The following TSHR variants were observed in gnomAD, a reference collection of about 807,000 sequenced individuals.
TSHR encodes the protein thyrotropin receptor.
Under a neutral mutation model 64.1 loss-of-function variants are expected in TSHR, and 51 were observed. That is an observed-to-expected ratio of 0.80 (90% CI 0.64 to 1.01). The LOEUF is 1.01. TSHR is among the 50% of genes least tolerant of loss of function. The pLI, the probability that TSHR is intolerant of heterozygous loss-of-function variation, is 0.00. For missense variants in TSHR, 877 were observed against 942.8 expected, an observed-to-expected ratio of 0.93 and a Z score of 0.91; for synonymous variants, 361 against 361.9, an observed-to-expected ratio of 1.00 and a Z score of 0.03.
chr14:81,068,500 T>C (rs1886825779), intron 3 of TSHR, 172 bp downstream of exon 3: 1 of 635,420 alleles, frequency 1.6e-6, no homozygotes, highest in Admixed American at 2.4e-5. Flanking sequence ...TTCATCTTCA[T>C]TACACCTCAA....
chr14:81,073,198 C>T (rs1009611187), intron 3 of TSHR, among the ~76,000 whole-genome samples: 1 of 150,366 alleles, frequency 6.7e-6, no homozygotes, highest in Non-Finnish European at 1.5e-5. Context: ...AAGAGCATAG[C>T]TTCAAACCAT....
In TSHR at chr14:81,003,857, C is replaced by T. The variant is rs569949114; in HGVS notation, c.170+48007C>T. Among the ~76,000 whole-genome samples the T allele has an allele frequency of 2.5e-4, 38 of 152,132 alleles. No homozygotes were observed. The South Asian group carries it at 7.7e-3, about 31-fold the overall frequency. On this transcript the variant is annotated intron_variant, in intron 1 of 9. Coordinates refer to ENST00000298171, the MANE Select transcript of TSHR (RefSeq NM_000369.5). ...TTAGCTTAGGCCAGAAATGTTGAATCTTCATTCGTCTTTAACTTCCACATT... is the reference window on the plus strand; with the variant it reads ...TTAGCTTAGGCCAGAAATGTTGAATTTTCATTCGTCTTTAACTTCCACATT...
At chr14:80,997,037 T>C (rs896931018) in intron 1 of TSHR, among the ~76,000 whole-genome samples, 1 of 152,184 alleles carries the variant, frequency 6.6e-6, no homozygotes, top group African/African-American at 2.4e-5. Context: ...TACTATCCAT[T>C]TAGTGACTTC....
Position 81,044,698 on chromosome 14 carries a change from A to G in TSHR, c.171-17450A>G, listed in dbSNP as rs371722570. On this transcript the variant is annotated intron_variant, in intron 1 of 9. Coordinates refer to ENST00000298171, the MANE Select transcript of TSHR (RefSeq NM_000369.5). ...AACACACACACACATGCACAATGAG[A>G]TACCATCTTACACCAGTTCAGAATG... 3.6e-4 allele frequency among the ~76,000 whole-genome samples: 55 copies of G among 151,756 alleles called. No homozygotes were observed. The South Asian group carries it at 0.011, about 32-fold the overall frequency.
intron 1 of TSHR, among the ~76,000 whole-genome samples, chr14:80,997,291 TA>T (rs1394169348): frequency 3.3e-5 from 5 of 152,224 alleles, no homozygotes; most frequent in Non-Finnish European, 4.4e-5. Context: ...CAAAGCACTT[TA>T]ACCTTTATCA....
At position 81,108,570 on chromosome 14, in the gene TSHR, G is replaced by A. The variant is rs182437826; in HGVS notation, c.692+118G>A. ...CAAGGGTAGAAAATGTTGCTGTCTC[G>A]GGTAAAGGCTTCTGCAAGTCCCTCT... is the stretch of plus-strand genomic sequence containing the variant. On this transcript the variant is annotated intron_variant, in intron 8 of 9. Coordinates refer to ENST00000298171, the MANE Select transcript of TSHR (RefSeq NM_000369.5). The A allele has an allele frequency of 1.4e-3, 2,221 of 1,610,512 alleles. 3 individuals carry two copies. Among genetic ancestry groups the A allele is most frequent in the Admixed American group, 4.0e-3 (239 of 59,396 alleles).
At chr14:81,006,482 A>G (rs1343715661) in intron 1 of TSHR, among the ~76,000 whole-genome samples, 1 of 151,240 alleles carries the variant, frequency 6.6e-6, no homozygotes, top group African/African-American at 2.4e-5. Context: ...TTTTAACTAA[A>G]CTACCTCTTT....
chr14:80,971,986 T>C (rs1484802010), intron 1 of TSHR, among the ~76,000 whole-genome samples: 1 of 152,212 alleles, frequency 6.6e-6, no homozygotes, highest in Non-Finnish European at 1.5e-5. Context: ...CCTCTTAAGA[T>C]GATGAAATAT....
At position 81,108,409 on chromosome 14, in the gene TSHR, G is replaced by T; in HGVS notation, c.649G>T (p.Asp217Tyr). The T allele has an allele frequency of 1.2e-6, 2 of 1,613,004 alleles. No homozygotes were observed. Among genetic ancestry groups the T allele is most frequent in the South Asian group, 2.2e-5 (2 of 90,966 alleles). Residue 217 changes from aspartate to tyrosine, a missense_variant, in exon 8 of 10, where the codon GAC becomes TAC. Coordinates refer to ENST00000298171, the MANE Select transcript of TSHR (RefSeq NM_000369.5). ...LNKNKYLTVIDKDAFGGVYSG... is the reference protein window; with the variant it reads ...LNKNKYLTVIYKDAFGGVYSG... ...CAAGAATAAATACCTGACAGTTATT[G>T]ACAAAGATGCATTTGGAGGAGTATA...
intron 1 of TSHR, among the ~76,000 whole-genome samples, chr14:80,974,203 G>A (rs1887749024): frequency 6.6e-6 from 1 of 152,164 alleles, no homozygotes; most frequent in Non-Finnish European, 1.5e-5. Flanking sequence ...AATTTGTGGA[G>A]GGCAAGCTTC....
intron 1 of TSHR, chr14:80,982,192 A>G: frequency 1.7e-6 from 1 of 583,052 alleles, no homozygotes; most frequent in South Asian, 2.2e-5. Context: ...GTCGGTGCTG[A>G]GATGAAGGAA....
chr14:81,026,987 G>C (rs1884093986), intron 1 of TSHR, among the ~76,000 whole-genome samples: 1 of 146,038 alleles, frequency 6.8e-6, no homozygotes, highest in Non-Finnish European at 1.5e-5. Context: ...AGTGAGCCAA[G>C]ATCACGCCAC....
intron 7 of TSHR, among the ~76,000 whole-genome samples, 190 bp from the exon 8 acceptor site, chr14:81,108,185 G>A (rs1197206665): frequency 6.6e-6 from 1 of 151,984 alleles, no homozygotes; most frequent in Non-Finnish European, 1.5e-5. Flanking sequence ...TAATTAATGT[G>A]TAAAACTTTA....
In TSHR at chr14:81,144,155, T is replaced by C. The variant is rs1197013139; in HGVS notation, c.2097T>C (p.Cys699=). The change falls in exon 10 of 10, where the codon TGT becomes TGC. Residue 699 remains cysteine, a synonymous_variant. Coordinates refer to ENST00000298171, the MANE Select transcript of TSHR (RefSeq NM_000369.5). ...VFILLSKFGI[C]KRQAQAYRGQ... ...TCCTACTCAGCAAGTTTGGCATCTG[T>C]AAACGCCAGGCTCAGGCATACCGGG... 1 of 1,613,996 alleles carries C rather than the reference T, an allele frequency of 6.2e-7. No individual in the cohort carries two copies. The highest frequency in any genetic ancestry group is 8.5e-7 in the Non-Finnish European group (1 of 1,180,028).
At chr14:81,043,740 T>G (rs1248390827) in intron 1 of TSHR, among the ~76,000 whole-genome samples, 1 of 152,024 alleles carries the variant, frequency 6.6e-6, no homozygotes, top group East Asian at 1.9e-4. Context: ...AACAGACACA[T>G]AGACCAATGG....
At chr14:81,092,679 C>A in intron 6 of TSHR, 71 bp downstream of exon 6, 2 of 1,414,534 alleles carry the variant, frequency 1.4e-6, no homozygotes, top group Non-Finnish European at 2.0e-6. Context: ...TGTTTACAGA[C>A]CATCCAAGAG....
intron 1 of TSHR, among the ~76,000 whole-genome samples, chr14:81,061,919 T>C (rs1886273796): frequency 6.6e-6 from 1 of 152,136 alleles, no homozygotes; most frequent in Non-Finnish European, 1.5e-5. Flanking sequence ...ATAGATGAAG[T>C]CTGATGATTT....
chr14:80,963,433 G>A (rs1460065613), intron 1 of TSHR, among the ~76,000 whole-genome samples: 1 of 151,948 alleles, frequency 6.6e-6, no homozygotes, highest in Non-Finnish European at 1.5e-5. Flanking sequence ...CCATCACATG[G>A]TGCATGGCTG....
At chr14:81,140,801 G>A (rs927929065) in intron 9 of TSHR, among the ~76,000 whole-genome samples, 3 of 152,168 alleles carry the variant, frequency 2.0e-5, no homozygotes, top group African/African-American at 7.2e-5. Flanking sequence ...TGTGAGGGCA[G>A]AAGCTAAAAC....
Sources: allele counts gnomAD v4.1 joint callset (sites outside exome capture counted in the v4.1 genomes callset), GRCh38; gene constraint gnomAD v4.1.1; transcripts MANE v1.5; gene names NCBI Gene and HGNC (gene_info 2026-07-23, HGNC 2026-07-21).